Variants in DDX60 observed in about 807,000 individuals in gnomAD.
DDX60 encodes the protein probable ATP-dependent RNA helicase DDX60.
Under a neutral mutation model 212.8 loss-of-function variants are expected in DDX60, and 165 were observed. That is an observed-to-expected ratio of 0.78 (90% CI 0.68 to 0.88). The LOEUF (loss-of-function observed/expected upper bound fraction) is 0.88, where lower values mean the gene tolerates loss of function less well. Among genes scored for constraint, DDX60 ranks in the 40% least tolerant of loss-of-function variants. DDX60 has a pLI of 0.00. For missense variants in DDX60, 1,905 were observed against 2,003.9 expected, an observed-to-expected ratio of 0.95 and a Z score of 0.94; for synonymous variants, 703 against 685.3, an observed-to-expected ratio of 1.03 and a Z score of -0.40.
chr4:168,230,571 C>T (rs1225725107), intron 33 of DDX60, among the ~76,000 whole-genome samples: 2 of 152,058 alleles, frequency 1.3e-5, no homozygotes, highest in Non-Finnish European at 2.9e-5. Flanking sequence ...AATTAAATAA[C>T]CTGCTCCTGA....
At chr4:168,261,700 ACTGCCAAAGTATCAACAATATCATCT>A (rs1734629665) in intron 24 of DDX60, among the ~76,000 whole-genome samples, 1 of 152,322 alleles carries the variant, frequency 6.6e-6, no homozygotes, top group Admixed American at 6.5e-5. Flanking sequence ...CAGTTTCTCT[ACTGCCAAAGTATCAACAATATCATCT>A]CTATGGATAG....
chr4:168,255,715 T>A lies in DDX60; in HGVS notation c.3553A>T (p.Ile1185Phe). 6.3e-7 allele frequency: 1 copy of A among 1,585,756 alleles called. No homozygotes were observed. Among genetic ancestry groups the A allele is most frequent in the Non-Finnish European group, 8.5e-7 (1 of 1,172,476 alleles). Reference protein sequence around the residue: ...KVKKSIEKQKIIDEKSQKKTR... With the variant: ...KVKKSIEKQKFIDEKSQKKTR... ...TTTGTTTAGTTAACTACTTACATGA[T>A]CTTTTGTTTCTCTATGGATTTTTTA... The change falls in exon 26 of 38, where the codon ATC becomes TTC. Residue 1185 changes from isoleucine to phenylalanine, a missense_variant. By Grantham distance (21) the Ile-to-Phe change is conservative. Transcript: ENST00000393743.
At chr4:168,264,593 G>A (rs948606337) in intron 22 of DDX60, among the ~76,000 whole-genome samples, 1 of 152,094 alleles carries the variant, frequency 6.6e-6, no homozygotes, top group African/African-American at 2.4e-5. Flanking sequence ...CTTTTAGAGA[G>A]GTCTGAGCTT....
intron 6 of DDX60, among the ~76,000 whole-genome samples, chr4:168,295,996 G>A (rs1455458527): frequency 6.6e-6 from 1 of 152,146 alleles, no homozygotes; most frequent in Non-Finnish European, 1.5e-5. Flanking sequence ...CTTCTCTTCA[G>A]AGGGTGAGGG....
intron 15 of DDX60, among the ~76,000 whole-genome samples, chr4:168,275,719 T>C (rs1735304957): frequency 6.6e-6 from 1 of 152,194 alleles, no homozygotes; most frequent in Non-Finnish European, 1.5e-5. Flanking sequence ...CCTGATATAT[T>C]TAAAGACAAT....
At chr4:168,246,846 T>C (rs944348667) in intron 29 of DDX60, among the ~76,000 whole-genome samples, 7 of 152,184 alleles carry the variant, frequency 4.6e-5, no homozygotes, top group Admixed American at 1.3e-4. Context: ...TTTCATGCCA[T>C]TAATTGCAGT....
chr4:168,282,256 A>T (rs1735625838), intron 13 of DDX60, among the ~76,000 whole-genome samples: 1 of 152,182 alleles, frequency 6.6e-6, no homozygotes, highest in African/African-American at 2.4e-5. Flanking sequence ...ACATGTGAGA[A>T]CCTTTTAGAG....
intron 27 of DDX60, 129 bp from the exon 28 acceptor site, chr4:168,251,235 A>C (rs1734209139): frequency 1.3e-6 from 1 of 799,356 alleles, no homozygotes; most frequent in African/African-American, 1.8e-5. Flanking sequence ...CTGACTCTAC[A>C]TGAATACAAA....
At chr4:168,254,803 T>C (rs1734342201) in intron 26 of DDX60, among the ~76,000 whole-genome samples, 1 of 152,012 alleles carries the variant, frequency 6.6e-6, no homozygotes, top group African/African-American at 2.4e-5. Flanking sequence ...GGCAGATGGG[T>C]CAGTTCATGG....
intron 33 of DDX60, 60 bp from the exon 34 acceptor site, chr4:168,225,736 G>A (rs186725848): frequency 9.7e-5 from 145 of 1,487,998 alleles, no homozygotes; most frequent in East Asian, 5.4e-4. Context: ...AAACTGAATC[G>A]TTGGAAGAAG....
At chr4:168,290,580 C>A (rs886541778) in intron 8 of DDX60, among the ~76,000 whole-genome samples, 22 of 151,976 alleles carry the variant, frequency 1.4e-4, no homozygotes, top group South Asian at 6.2e-4. Flanking sequence ...ACCTCATGAT[C>A]CTCCTGACCT....
At chr4:168,218,757 C>T (rs1732940874) in intron 37 of DDX60, among the ~76,000 whole-genome samples, 1 of 152,162 alleles carries the variant, frequency 6.6e-6, no homozygotes, top group Admixed American at 6.6e-5. Context: ...GAGTCTATCC[C>T]TGACACATCA....
intron 37 of DDX60, 42 bp from the exon 38 acceptor site, chr4:168,217,074 T>A (rs376016470): frequency 6.2e-6 from 8 of 1,300,570 alleles, no homozygotes; most frequent in Non-Finnish European, 8.6e-6. Context: ...TTTAGTGAGA[T>A]TGAATATTAT....
At chr4:168,308,290 A>G in intron 3 of DDX60, 95 bp from the exon 4 acceptor site, 1 of 729,392 alleles carries the variant, frequency 1.4e-6, no homozygotes, top group Non-Finnish European at 2.2e-6. Context: ...ATTATCATCA[A>G]TAGCTAAATT....
At chr4:168,308,779 T>G (rs1322653256) in intron 3 of DDX60, among the ~76,000 whole-genome samples, 2 of 150,010 alleles carry the variant, frequency 1.3e-5, no homozygotes. Context: ...AAATGTATAC[T>G]ATATATTCAA....
At chr4:168,234,312 A>AT (rs936019135) in intron 33 of DDX60, among the ~76,000 whole-genome samples, 8 of 147,508 alleles carry the variant, frequency 5.4e-5, no homozygotes, top group Admixed American at 2.7e-4. Context: ...TTTCTCCACC[A>AT]TTTTTTTTTC....
At chr4:168,246,099 C>T (rs770937062) in intron 30 of DDX60, among the ~76,000 whole-genome samples, 8 of 152,012 alleles carry the variant, frequency 5.3e-5, no homozygotes, top group Non-Finnish European at 1.0e-4. Context: ...AGAAAGGAGT[C>T]TATTAGTCAC....
chr4:168,270,830 T>C (rs2149518084), intron 19 of DDX60, among the ~76,000 whole-genome samples: 1 of 152,118 alleles, frequency 6.6e-6, no homozygotes, highest in East Asian at 1.9e-4. Context: ...TCTATCATGT[T>C]TTAAATCTCT....
intron 26 of DDX60, among the ~76,000 whole-genome samples, chr4:168,254,901 C>G (rs1037920196): frequency 2.0e-5 from 3 of 152,134 alleles, no homozygotes; most frequent in South Asian, 2.1e-4. Flanking sequence ...TGAGACTGAT[C>G]GAGTTAAGGC....
Sources: allele counts gnomAD v4.1 joint callset (sites outside exome capture counted in the v4.1 genomes callset), GRCh38; gene constraint gnomAD v4.1.1; transcripts MANE v1.5; gene names NCBI Gene and HGNC (gene_info 2026-07-23, HGNC 2026-07-21).